Variants in EGFL7 observed in about 807,000 individuals in gnomAD.
The protein encoded by EGFL7 is EGF like domain multiple 7.
In EGFL7, 48 loss-of-function variants were observed where a neutral mutation model predicts 37.1. The observed-to-expected ratio is 1.29, with a 90% CI of 1.03 to 1.65. The LOEUF (loss-of-function observed/expected upper bound fraction) is 1.65, where lower values mean the gene tolerates loss of function less well. EGFL7 is among the 40% of genes most tolerant of loss of function. EGFL7 has a pLI of 0.00. For synonymous variants in EGFL7, 180 were observed against 156.8 expected (o/e 1.15, Z -1.10); for missense variants, 384 against 378.9 (o/e 1.01, Z -0.11).
At chr9:136,670,889 A>T (rs1351294802) in intron 8 of EGFL7, 61 bp from the exon 9 acceptor site, 15 of 1,432,570 alleles carry the variant, frequency 1.0e-5, no homozygotes, top group Non-Finnish European at 1.4e-5. Context: ...GACAGGAGGG[A>T]GCCTGGGGGT....
At chr9:136,668,408 A>C in intron 4 of EGFL7, 46 bp downstream of exon 4, 1 of 1,533,384 alleles carries the variant, frequency 6.5e-7, no homozygotes, top group Non-Finnish European at 8.8e-7. Flanking sequence ...GGGGACCGGG[A>C]GCCCTCAGCA....
chr9:136,666,778 A>C lies in EGFL7; in HGVS notation c.-42-1463A>C, dbSNP rs890533530. On this transcript the variant is annotated intron_variant, in intron 3 of 10. Coordinates refer to ENST00000308874, the MANE Select transcript of EGFL7 (RefSeq NM_016215.5). This position sits in a 1 kb window ranked among gnomAD's most constrained non-coding sequence, Gnocchi z 6.8. ...GGGTCCCACTCCCCAATGTCCCCCG[A>C]CTTCGAGTCTTGCCTTGAGGTCGCA... is the stretch of plus-strand genomic sequence containing the variant. Among the ~76,000 whole-genome samples the C allele has an allele frequency of 6.6e-6, 1 of 151,772 alleles. No homozygotes were observed. Among genetic ancestry groups the C allele is most frequent in the Non-Finnish European group, 1.5e-5 (1 of 67,950 alleles).
intron 3 of EGFL7, among the ~76,000 whole-genome samples, chr9:136,667,571 G>T (rs1436806566): frequency 6.6e-6 from 1 of 152,144 alleles, no homozygotes; most frequent in Non-Finnish European, 1.5e-5. Context: ...TCACCCCCAG[G>T]TGTGCACCTG....
rs748312414 is a variant in EGFL7 at position 136,672,638 on chromosome 9, G to GTCT, written c.*352_*353insTCT. 68 of 447,418 alleles carry GTCT rather than the reference G, an allele frequency of 1.5e-4. No individual in the cohort carries two copies. Among genetic ancestry groups the GTCT allele is most frequent in the Non-Finnish European group, 2.5e-4 (62 of 246,646 alleles). 27.7% of individuals were successfully genotyped at this position (447,418 alleles called of 1,614,324 possible). On this transcript the variant is annotated 3_prime_UTR_variant, in exon 11 of 11. Transcript: ENST00000308874. ...GGAGGCTGGGTGGGGCCTCAGTGGG[G>GTCT]GCTGCTGCCTGACCCCCAGCACAAT...
At position 136,672,500 on chromosome 9, in the gene EGFL7, T is replaced by C. The variant is rs1845987097; in HGVS notation, c.*214T>C. On this transcript the variant is annotated 3_prime_UTR_variant, in exon 11 of 11. Coordinates refer to ENST00000308874, the MANE Select transcript of EGFL7 (RefSeq NM_016215.5). ...TCTTCTCTGTGAATCCACCCCTGGC[T>C]ACCCCCACCCTGGCTACCCCAACGG... The C allele has an allele frequency of 1.6e-6, 1 of 633,108 alleles. No homozygotes were observed. The highest frequency in any genetic ancestry group is 1.9e-5 in the South Asian group (1 of 51,896). The allele number at this position is 633,108 out of a possible 1,614,324, so 39.2% of individuals were successfully genotyped here.
In EGFL7 at chr9:136,672,565, C is replaced by T. The variant is rs1036938631; in HGVS notation, c.*279C>T. 11 of 576,998 alleles carry T rather than the reference C, an allele frequency of 1.9e-5. No individual in the cohort carries two copies. Among genetic ancestry groups the T allele is most frequent in the Admixed American group, 3.0e-5 (1 of 33,152 alleles). 35.7% of individuals were successfully genotyped at this position (576,998 alleles called of 1,614,324 possible). On this transcript the variant is annotated 3_prime_UTR_variant, in exon 11 of 11. Transcript: ENST00000308874. The stretch of plus-strand genomic sequence containing the variant: ...GTGGGCCCTCAGCTGAGGGAAGGTA[C>T]GAGCTCCCTGCTGGAGCCTGGGACC...
At chr9:136,665,126 C>T (rs894612923) in intron 3 of EGFL7, among the ~76,000 whole-genome samples, 2 of 152,226 alleles carry the variant, frequency 1.3e-5, no homozygotes, top group Non-Finnish European at 2.9e-5. Flanking sequence ...CCTGACTGTG[C>T]TGAACTCAGC....
At chr9:136,668,162 C>T (rs969470113) in intron 3 of EGFL7, 79 bp from the exon 4 acceptor site, 3 of 801,266 alleles carry the variant, frequency 3.7e-6, no homozygotes, top group African/African-American at 3.5e-5. Context: ...CTGGGCAGGC[C>T]TCGCGGAGCA....
chr9:136,670,206 C>G lies in EGFL7; in HGVS notation c.447C>G (p.Pro149=), dbSNP rs1321022989. The G allele has an allele frequency of 1.2e-6, 2 of 1,612,456 alleles. No homozygotes were observed. Among genetic ancestry groups the G allele is most frequent in the African/African-American group, 2.7e-5 (2 of 74,904 alleles). The change falls in exon 8 of 11, where the codon CCC becomes CCG. Residue 149 remains proline (P), a synonymous_variant. Transcript: ENST00000308874. The stretch of plus-strand genomic sequence containing the variant: ...GCAGTGCTAGGAGGGGCGGCTGTCC[C>G]CAGCGCTGCGTCAACACCGCCGGCA... The part of the protein sequence containing the change: ...DECSARRGGC[P]QRCVNTAGSY...
In EGFL7 at chr9:136,668,629, C is replaced by A. The variant is rs940127360; in HGVS notation, c.153C>A (p.Pro51=). 1 of 1,606,908 alleles carries A rather than the reference C, an allele frequency of 6.2e-7. No individual in the cohort carries two copies. The highest frequency in any genetic ancestry group is 1.3e-5 in the African/African-American group (1 of 75,020). ...SESFVQRVYQ[P]FLTTCDGHRA... ...CGTTCGTGCAGCGTGTGTACCAGCC[C>A]TTCCTCACCACCTGCGACGGGCACC... is the stretch of plus-strand genomic sequence containing the variant. Residue 51 remains proline (P), a synonymous_variant, in exon 5 of 11, where the codon CCC becomes CCA. Transcript: ENST00000308874.
upstream of EGFL7, among the ~76,000 whole-genome samples, chr9:136,661,666 CTGGCCG>C (rs1845154900): frequency 5.9e-5 from 9 of 152,198 alleles, no homozygotes; most frequent in Admixed American, 5.9e-4. Flanking sequence ...GACCCTTCCC[CTGGCCG>C]TGGGTAGAGG....
chr9:136,660,055 A>G (rs1020625715), upstream of EGFL7, among the ~76,000 whole-genome samples: 7 of 152,098 alleles, frequency 4.6e-5, no homozygotes, highest in Non-Finnish European at 1.0e-4. Context: ...CCAAACACAC[A>G]CCACCAGAGC....
intron 5 of EGFL7, 107 bp from the exon 6 acceptor site, chr9:136,669,499 G>A (rs1423540570): frequency 2.6e-6 from 2 of 770,080 alleles, no homozygotes; most frequent in Non-Finnish European, 4.3e-6. Flanking sequence ...AGACCCTTGG[G>A]GGCATGCTGG....
chr9:136,660,722 G>A (rs570493447), upstream of EGFL7, among the ~76,000 whole-genome samples: 6 of 152,166 alleles, frequency 3.9e-5, no homozygotes, highest in African/African-American at 4.8e-5. Flanking sequence ...TCCCCTGGCC[G>A]GATAGGTCTG....
upstream of EGFL7, among the ~76,000 whole-genome samples, chr9:136,660,874 G>A (rs1471156099): frequency 1.3e-5 from 2 of 152,138 alleles, no homozygotes; most frequent in Non-Finnish European, 2.9e-5. Context: ...CACCTGGGCC[G>A]GTCACTTCTC....
At position 136,672,378 on chromosome 9, in the gene EGFL7, C is replaced by G; in HGVS notation, c.*92C>G. On this transcript the variant is annotated 3_prime_UTR_variant, in exon 11 of 11. Transcript: ENST00000308874. ...CATGCTGGGGGTCCAGAAACCACCT[C>G]GGGGTGACTGAGCGGAAGGCCAGGC... 1.3e-6 allele frequency: 2 copies of G among 1,536,060 alleles called. No individual in the cohort carries two copies. Among genetic ancestry groups the G allele is most frequent in the Non-Finnish European group, 1.8e-6 (2 of 1,112,890 alleles).
At chr9:136,661,181 C>T (rs945001829), upstream of EGFL7, among the ~76,000 whole-genome samples, 4 of 152,114 alleles carry the variant, frequency 2.6e-5, no homozygotes, top group African/African-American at 7.2e-5. Flanking sequence ...CAGCCAGGGG[C>T]GAGGGCAGAG....
intron 2 of EGFL7, among the ~76,000 whole-genome samples, chr9:136,663,999 C>A (rs1845303342): frequency 6.6e-6 from 1 of 152,254 alleles, no homozygotes; most frequent in Admixed American, 6.5e-5. Flanking sequence ...ACCGCAGATC[C>A]AGAGATGAGG....
chr9:136,663,700 T>G (rs1477422695), intron 2 of EGFL7, 77 bp downstream of exon 2: 1 of 152,224 alleles, frequency 6.6e-6, no homozygotes, highest in East Asian at 1.9e-4. Flanking sequence ...TGGGCCCCCC[T>G]TGGACCCTGG....
Sources: allele counts gnomAD v4.1 joint callset (sites outside exome capture counted in the v4.1 genomes callset), GRCh38; gene constraint gnomAD v4.1.1; non-coding constraint Gnocchi (gnomAD v3.1); transcripts MANE v1.5; gene names NCBI Gene and HGNC (gene_info 2026-07-23, HGNC 2026-07-21).